The following TEPSIN variants were observed in gnomAD, a reference collection of about 807,000 sequenced individuals.
TEPSIN encodes TEPSIN adaptor related protein complex 4 accessory protein, also known as AP-4 complex accessory subunit tepsin.
TEPSIN carries 50 observed loss-of-function variants against 48.5 expected under a neutral mutation model. The observed-to-expected ratio is 1.03, with a 90% confidence interval of 0.82 to 1.31. The LOEUF (loss-of-function observed/expected upper bound fraction) is 1.31, where lower values mean the gene tolerates loss of function less well. Among genes scored for constraint, TEPSIN ranks in the 50% most tolerant of loss-of-function variants. The pLI is 0.00. For synonymous variants in TEPSIN, 392 were observed against 358.8 expected (o/e 1.09, Z -1.05); for missense variants, 838 against 815.9 (o/e 1.03, Z -0.33).
intron 11 of TEPSIN, 40 bp downstream of exon 11, chr17:81,231,358 T>C (rs927305328): frequency 2.0e-6 from 3 of 1,502,352 alleles, no homozygotes; most frequent in East Asian, 2.5e-5. Context: ...CACAGGCACA[T>C]GCACACAGTC....
Position 81,231,946 on chromosome 17 carries a change from GA to G in TEPSIN, c.805del (p.Ser269ProfsTer6). 6.2e-7 allele frequency: 1 copy of G among 1,613,540 alleles called. No individual in the cohort carries two copies. Among genetic ancestry groups the G allele is most frequent in the Non-Finnish European group, 8.5e-7 (1 of 1,179,990 alleles). The stretch of plus-strand genomic sequence containing the variant: ...GACCCTGCTCAGGTCGCTGTTCTGG[GA>G]GGAATTCTGAGAGCTGGGGCCGCTG... ...LDSGPSSQNS[S>X]QNSDLSRVSD... is the part of the protein sequence containing the mutation. On this transcript the variant is annotated frameshift_variant, in exon 9 of 13. Coordinates refer to ENST00000637944, the MANE Select transcript of TEPSIN (RefSeq NM_001363764.2). LOFTEE classifies it high-confidence loss of function.
chr17:81,236,835 G>A, intron 3 of TEPSIN, 34 bp from the exon 4 acceptor site: 1 of 1,550,120 alleles, frequency 6.5e-7, no homozygotes, highest in Non-Finnish European at 8.7e-7. Flanking sequence ...TGCTGGGCAG[G>A]CCGGACACGG....
At chr17:81,238,141 C>T in intron 1 of TEPSIN, 2 of 985,576 alleles carry the variant, frequency 2.0e-6, no homozygotes, top group South Asian at 4.7e-5. Flanking sequence ...CGAAGCCTTT[C>T]GGTCGGAAGG....
chr17:81,229,909 T>C, intron 12 of TEPSIN: 1 of 203,054 alleles, frequency 4.9e-6, no homozygotes, highest in Non-Finnish European at 9.9e-6. Context: ...CCAGGCTCAC[T>C]CGTCGCTCTG....
chr17:81,238,411 C>T (rs1768076382), intron 1 of TEPSIN: 1 of 277,308 alleles, frequency 3.6e-6, no homozygotes, highest in Non-Finnish European at 5.5e-6. Flanking sequence ...AGGTCCAGCC[C>T]AGGAAAGCTC....
Position 81,230,387 on chromosome 17 carries a change from T to TTGCTGCTGC in TEPSIN, c.1233+148_1233+156dup, listed in dbSNP as rs1367071867. The TTGCTGCTGC allele has an allele frequency of 1.3e-5, 13 of 1,038,026 alleles. No individual in the cohort carries two copies. In the African/African-American group the frequency reaches 2.1e-4, roughly 17 times the overall value. 64.3% of individuals were successfully genotyped at this position (1,038,026 alleles called of 1,614,324 possible). A position where few individuals can be genotyped will look rare whatever the true frequency, so the allele number is the denominator to read the frequency against. On this transcript the variant is annotated intron_variant, in intron 12 of 12. Transcript: ENST00000637944. The surrounding 1 kb of genome is among the most constrained non-coding windows in gnomAD (Gnocchi z 4.2). ...GCAATGGGGAGGTGAGGACCCTGACTTGCTGCTGCTCCCTCTGCCAGCGGG... is the reference window on the plus strand; with the variant it reads ...GCAATGGGGAGGTGAGGACCCTGACTTGCTGCTGCTGCTGCTGCTCCCTCTGCCAGCGGG...
In TEPSIN at chr17:81,230,434, C is replaced by T. The variant is rs924759359; in HGVS notation, c.1233+110G>A. The T allele has an allele frequency of 6.8e-5, 99 of 1,466,476 alleles. 6 individuals are homozygous for T. In the African/African-American group the frequency reaches 7.3e-4, roughly 11 times the overall value. 90.8% of individuals were successfully genotyped at this position (1,466,476 alleles called of 1,614,324 possible). On this transcript the variant is annotated intron_variant, in intron 12 of 12. Transcript: ENST00000637944. The surrounding 1 kb of genome is among the most constrained non-coding windows in gnomAD (Gnocchi z 4.2). ...CGGGACAGGGACTTGAGAGGGGGTC[C>T]GGGAAGGGCTGACCAGGCGCCGGGC...
In TEPSIN at chr17:81,229,010, G is replaced by T; in HGVS notation, c.1700C>A (p.Ala567Asp). ...AGESCPDAPR[A>D]PQTSSQRTAA... Reference sequence around the variant, plus strand: ...TGTCCTCTGGGACGATGTTTGGGGGGCGCGGGGAGCATCAGGACAGGACTC... The same window carrying T: ...TGTCCTCTGGGACGATGTTTGGGGGTCGCGGGGAGCATCAGGACAGGACTC... Residue 567 changes from alanine to aspartate, a missense_variant, in exon 13 of 13, where the codon GCC (alanine) becomes GAC (aspartate). Ala to Asp is a moderately radical substitution (Grantham distance 126). Transcript: ENST00000637944. 1 of 1,613,616 alleles carries T rather than the reference G, an allele frequency of 6.2e-7. No homozygotes were observed. The highest frequency in any genetic ancestry group is 8.5e-7 in the Non-Finnish European group (1 of 1,179,992).
At chr17:81,231,557 G>A (rs746354969) in intron 10 of TEPSIN, 21 bp downstream of exon 10, 17 of 1,606,518 alleles carry the variant, frequency 1.1e-5, no homozygotes, top group Non-Finnish European at 7.6e-6. Flanking sequence ...GGCAGAGCAG[G>A]GCGGGTCCGG....
At chr17:81,231,534 C>T (rs754694621) in intron 10 of TEPSIN, 44 bp downstream of exon 10, 4 of 1,592,066 alleles carry the variant, frequency 2.5e-6, no homozygotes, top group Admixed American at 3.5e-5. Flanking sequence ...CCCTCGCCCA[C>T]GGTTGGGGCT....
At chr17:81,235,966 C>T (rs1231784927) in intron 4 of TEPSIN, among the ~76,000 whole-genome samples, 1 of 152,212 alleles carries the variant, frequency 6.6e-6, no homozygotes, top group Non-Finnish European at 1.5e-5. Context: ...CTGAGGTCTC[C>T]ACAAGCAAGC....
At chr17:81,237,762 T>C in intron 1 of TEPSIN, 2 of 446,466 alleles carry the variant, frequency 4.5e-6, no homozygotes, top group Middle Eastern at 6.3e-4. Flanking sequence ...TACCAGCATG[T>C]AAGGCTATTT....
chr17:81,232,481 C>T lies in TEPSIN; in HGVS notation c.564G>A (p.Lys188=). The part of the protein sequence containing the change: ...AGEAFLSTIQ[K]AAEVVASAMR... ...TGGCGCTGGCCACCACCTCTGCGGC[C>T]TTCTGGATGGTGGAGAGGAAGGCTT... Residue 188 remains lysine (K), a synonymous_variant, in exon 8 of 13, where the codon AAG becomes AAA. Coordinates refer to ENST00000637944, the MANE Select transcript of TEPSIN (RefSeq NM_001363764.2). 6.5e-7 allele frequency: 1 copy of T among 1,534,366 alleles called. No homozygotes were observed. Among genetic ancestry groups the T allele is most frequent in the Non-Finnish European group, 8.7e-7 (1 of 1,146,290 alleles).
At position 81,232,474 on chromosome 17, in the gene TEPSIN, C is replaced by A; in HGVS notation, c.571G>T (p.Glu191Ter). Residue 191 changes from glutamate (E) to a stop codon, truncating the protein, a stop_gained, in exon 8 of 13, where the codon GAG (glutamate) becomes TAG (stop). Coordinates refer to ENST00000637944, the MANE Select transcript of TEPSIN (RefSeq NM_001363764.2). LOFTEE classifies it high-confidence loss of function. ...GGGCGCATGGCGCTGGCCACCACCT[C>A]TGCGGCCTTCTGGATGGTGGAGAGG... ...AFLSTIQKAA[E>*]VVASAMRPGP... The A allele has an allele frequency of 6.5e-7, 1 of 1,535,064 alleles. No homozygotes were observed. The highest frequency in any genetic ancestry group is 1.2e-5 in the South Asian group (1 of 84,006).
chr17:81,231,239 A>C (rs1237709580), intron 11 of TEPSIN, 159 bp downstream of exon 11: 1 of 718,754 alleles, frequency 1.4e-6, no homozygotes. Context: ...ATACACACCC[A>C]CACGCACACA....
At chr17:81,232,852 C>T (rs1420084694) in intron 7 of TEPSIN, 1 of 306,082 alleles carries the variant, frequency 3.3e-6, no homozygotes, top group East Asian at 6.2e-5. Flanking sequence ...AGGGGCCGGC[C>T]TTTCCTGTGT....
intron 8 of TEPSIN, 97 bp downstream of exon 8, chr17:81,232,218 T>C: frequency 7.3e-7 from 1 of 1,365,972 alleles, no homozygotes; most frequent in Non-Finnish European, 9.7e-7. Context: ...TCCTGCTGTG[T>C]GGGAGGCCCT....
At position 81,229,127 on chromosome 17, in the gene TEPSIN, G is replaced by A; in HGVS notation, c.1583C>T (p.Pro528Leu). ...PGGTDSPKRG[P>L]SSCAWSRDSL... ...GTCGCGGCTCCACGCACAGCTGCTG[G>A]GGCCTCTCTTTGGGCTGTCCGTGCC... The change falls in exon 13 of 13, where the codon CCC (proline) becomes CTC (leucine). Residue 528 changes from proline to leucine, a missense_variant. Physicochemically the swap from Pro to Leu is moderately conservative, Grantham distance 98 (BLOSUM62 -3). Transcript: ENST00000637944. 1 of 1,613,240 alleles carries A rather than the reference G, an allele frequency of 6.2e-7. No individual in the cohort carries two copies. The highest frequency in any genetic ancestry group is 1.3e-5 in the African/African-American group (1 of 74,946).
chr17:81,231,854 C>A lies in TEPSIN; in HGVS notation c.898G>T (p.Ala300Ser), dbSNP rs1251180122. 1 of 1,613,234 alleles carries A rather than the reference C, an allele frequency of 6.2e-7. No individual in the cohort carries two copies. The highest frequency in any genetic ancestry group is 8.5e-7 in the Non-Finnish European group (1 of 1,179,958). ...CTGGCAGCTCCCGCTCACCTTTCTG[C>A]CAGGTCACCCGGCTCCCGGCTGGCC... is the stretch of plus-strand genomic sequence containing the variant. ...SGASREPGDL[A>S]ERVEVVALSD... Residue 300 changes from alanine to serine, a missense_variant, in exon 9 of 13, where the codon GCA becomes TCA. By Grantham distance (99) the Ala-to-Ser change is moderately conservative. Transcript: ENST00000637944.
Sources: gnomAD v4.1 joint callset for allele counts (sites outside exome capture counted in the v4.1 genomes callset) on GRCh38, gnomAD v4.1.1 for gene constraint, Gnocchi (gnomAD v3.1) non-coding constraint, MANE v1.5 for transcripts, NCBI Gene and HGNC (gene_info 2026-07-23, HGNC 2026-07-21) for gene names.